ZFPM2: variants seen among roughly 807,000 people sequenced by gnomAD.
The protein encoded by ZFPM2 is zinc finger protein, FOG family member 2, also known as zinc finger protein ZFPM2.
ZFPM2 carries 20 observed loss-of-function variants against 98.6 expected under a neutral mutation model. That is an observed-to-expected ratio of 0.20 (90% CI 0.14 to 0.29). The LOEUF (loss-of-function observed/expected upper bound fraction) is 0.29. Ranked by LOEUF, ZFPM2 falls within the 10% of genes least tolerant of loss-of-function variation. The pLI is 1.00. For synonymous variants in ZFPM2, 518 were observed against 502.7 expected (o/e 1.03, Z -0.41); for missense variants, 1,310 against 1,388.6 (o/e 0.94, Z 0.90).
intron 6 of ZFPM2, among the ~76,000 whole-genome samples, chr8:105,791,478 T>C (rs1813610042): frequency 6.6e-6 from 1 of 151,966 alleles, no homozygotes; most frequent in African/African-American, 2.4e-5. Flanking sequence ...GATGTGCTGC[T>C]GGATTCAGTT....
At chr8:105,438,099 C>T (rs1420259055) in intron 2 of ZFPM2, among the ~76,000 whole-genome samples, 1 of 151,996 alleles carries the variant, frequency 6.6e-6, no homozygotes, top group Non-Finnish European at 1.5e-5. Flanking sequence ...GTCATGTAGC[C>T]TCAGGATATT....
chr8:105,328,919 T>C (rs939223675), intron 1 of ZFPM2, among the ~76,000 whole-genome samples: 2 of 151,834 alleles, frequency 1.3e-5, no homozygotes, highest in African/African-American at 4.8e-5. Context: ...CAGGGGAGAC[T>C]GACCAACCTG....
chr8:105,554,936 G>C (rs1308295819), intron 3 of ZFPM2, among the ~76,000 whole-genome samples: 1 of 152,044 alleles, frequency 6.6e-6, no homozygotes, highest in Non-Finnish European at 1.5e-5. Context: ...TGTCTTGATA[G>C]CACTTTCAAA....
At chr8:105,576,331 A>G (rs772516300) in intron 4 of ZFPM2, among the ~76,000 whole-genome samples, 1 of 152,120 alleles carries the variant, frequency 6.6e-6, no homozygotes, top group Non-Finnish European at 1.5e-5. Flanking sequence ...ATAAACATAG[A>G]GGCACAAAAA....
chr8:105,330,536 C>A (rs1167136345), intron 1 of ZFPM2, among the ~76,000 whole-genome samples: 134 of 90,112 alleles, frequency 1.5e-3, no homozygotes, highest in African/African-American at 4.4e-3. Flanking sequence ...CTCTCTCTCT[C>A]TCTATATATA....
rs1416900070 is a variant in ZFPM2 at position 105,486,381 on chromosome 8, G to A, written c.301+42000G>A. On this transcript the variant is annotated intron_variant, in intron 3 of 7. Coordinates refer to ENST00000407775, the MANE Select transcript of ZFPM2 (RefSeq NM_012082.4). ...TGGTGTCTGTTTGTGTGTGTATGCTGTGTGTTTGTGTGTGTTTTAATCAAT... is the reference window on the plus strand; with the variant it reads ...TGGTGTCTGTTTGTGTGTGTATGCTATGTGTTTGTGTGTGTTTTAATCAAT... 4.6e-5 allele frequency among the ~76,000 whole-genome samples: 7 copies of A among 152,064 alleles called. No individual in the cohort carries two copies. In the East Asian group the frequency reaches 9.6e-4, roughly 21 times the overall value.
At chr8:105,646,351 T>C (rs941649063) in intron 5 of ZFPM2, among the ~76,000 whole-genome samples, 9 of 152,086 alleles carry the variant, frequency 5.9e-5, no homozygotes, top group African/African-American at 2.2e-4. Flanking sequence ...GGGTGGTTCG[T>C]TGATATCAGG....
chr8:105,778,472 A>C (rs1481025252), intron 5 of ZFPM2, among the ~76,000 whole-genome samples: 3 of 150,928 alleles, frequency 2.0e-5, no homozygotes, highest in Non-Finnish European at 1.5e-5. Flanking sequence ...GTATGTCTGC[A>C]TGTGTCTGAG....
At chr8:105,511,978 T>C (rs1813827109) in intron 3 of ZFPM2, among the ~76,000 whole-genome samples, 2 of 152,114 alleles carry the variant, frequency 1.3e-5, no homozygotes, top group African/African-American at 4.8e-5. Context: ...CAACCCCATC[T>C]CTACTAAAAA....
At chr8:105,600,211 A>G (rs1045450391) in intron 4 of ZFPM2, among the ~76,000 whole-genome samples, 2 of 152,248 alleles carry the variant, frequency 1.3e-5, no homozygotes, top group South Asian at 2.1e-4. Context: ...ACAAAGTTGT[A>G]CTTGGGAAAA....
At chr8:105,598,910 G>A (rs1396029547) in intron 4 of ZFPM2, among the ~76,000 whole-genome samples, 1 of 152,076 alleles carries the variant, frequency 6.6e-6, no homozygotes, top group African/African-American at 2.4e-5. Flanking sequence ...ACTCTGTTGC[G>A]GAGGCACCCC....
intron 3 of ZFPM2, among the ~76,000 whole-genome samples, chr8:105,503,550 C>G (rs1238629166): frequency 6.6e-6 from 1 of 152,134 alleles, no homozygotes; most frequent in Non-Finnish European, 1.5e-5. Context: ...TGGCCTGGCT[C>G]TATGCATTGG....
intron 1 of ZFPM2, among the ~76,000 whole-genome samples, chr8:105,356,016 C>T (rs1360467829): frequency 6.6e-6 from 1 of 152,114 alleles, no homozygotes; most frequent in African/African-American, 2.4e-5. Flanking sequence ...TAATCAACAC[C>T]TGGTTTGATT....
intron 1 of ZFPM2, among the ~76,000 whole-genome samples, chr8:105,405,873 T>C (rs1811442351): frequency 6.6e-6 from 1 of 152,178 alleles, no homozygotes. Context: ...CCACAATGGT[T>C]GAACTAGTTT....
At chr8:105,594,758 C>T (rs1204026252) in intron 4 of ZFPM2, among the ~76,000 whole-genome samples, 4 of 151,962 alleles carry the variant, frequency 2.6e-5, no homozygotes, top group Middle Eastern at 3.2e-3. Context: ...TAATAATGGC[C>T]CTTTTCAGCA....
intron 3 of ZFPM2, among the ~76,000 whole-genome samples, chr8:105,473,542 G>A (rs1812950599): frequency 6.6e-6 from 1 of 152,088 alleles, no homozygotes; most frequent in African/African-American, 2.4e-5. Flanking sequence ...TTCAATTCTG[G>A]TGGGTTAAGA....
chr8:105,447,446 G>A (rs149149171), intron 3 of ZFPM2, among the ~76,000 whole-genome samples: 123 of 152,136 alleles, frequency 8.1e-4, no homozygotes, highest in African/African-American at 2.9e-3. Flanking sequence ...TCATTATTGT[G>A]GCTTTGCAGT....
At chr8:105,755,159 T>C (rs1563550313) in intron 5 of ZFPM2, among the ~76,000 whole-genome samples, 1 of 152,148 alleles carries the variant, frequency 6.6e-6, no homozygotes, top group Non-Finnish European at 1.5e-5. Flanking sequence ...GTAAAAATCA[T>C]ATAAGAGAAG....
intron 6 of ZFPM2, among the ~76,000 whole-genome samples, chr8:105,795,163 G>A (rs559248650): frequency 1.1e-3 from 167 of 151,956 alleles, no homozygotes; most frequent in Non-Finnish European, 1.5e-3. Flanking sequence ...AAAATCACCC[G>A]TCTTCTGCGT....
Sources: gnomAD v4.1 joint callset for allele counts (sites outside exome capture counted in the v4.1 genomes callset) on GRCh38, gnomAD v4.1.1 for gene constraint, MANE v1.5 for transcripts, NCBI Gene and HGNC (gene_info 2026-07-23, HGNC 2026-07-21) for gene names.